PCMTD1: variants seen among roughly 807,000 people sequenced by gnomAD.
The protein encoded by PCMTD1 is protein-L-isoaspartate O-methyltransferase domain-containing protein 1.
A neutral mutation model predicts 37.6 loss-of-function variants in PCMTD1; 12 were observed. The ratio of observed to expected loss-of-function variants is 0.32; its 90% CI spans 0.20 to 0.52. The LOEUF is 0.52. Ranked by LOEUF, PCMTD1 falls within the 20% of genes least tolerant of loss-of-function variation. The probability of loss-of-function intolerance (pLI) is 0.97; values close to 1 mark genes in which losing one functional copy is unlikely to be tolerated. For synonymous variants in PCMTD1, 117 were observed against 135.8 expected (o/e 0.86, Z 0.96); for missense variants, 235 against 421.3 (o/e 0.56, Z 3.87).
chr8:51,863,332 CA>C (rs1563352504), intron 1 of PCMTD1, among the ~76,000 whole-genome samples: 1 of 152,118 alleles, frequency 6.6e-6, no homozygotes, highest in Non-Finnish European at 1.5e-5. Flanking sequence ...CCATTCAATT[CA>C]AAATTATCAT....
intron 5 of PCMTD1, among the ~76,000 whole-genome samples, chr8:51,823,189 C>A (rs2037873408): frequency 1.3e-5 from 2 of 152,182 alleles, no homozygotes; most frequent in African/African-American, 4.8e-5. Context: ...TTGGGCCAGG[C>A]ACAATGGCTC....
chr8:51,837,905 G>A (rs574959533), intron 3 of PCMTD1, among the ~76,000 whole-genome samples: 52 of 151,924 alleles, frequency 3.4e-4, no homozygotes, highest in African/African-American at 4.8e-4. Context: ...TCAGCCTCCC[G>A]AGTAGCTGGG....
At chr8:51,831,249 C>G (rs1157854411) in intron 5 of PCMTD1, among the ~76,000 whole-genome samples, 195 bp downstream of exon 5, 4 of 150,564 alleles carry the variant, frequency 2.7e-5, no homozygotes, top group Non-Finnish European at 5.9e-5. Flanking sequence ...TGTGAGCCGA[C>G]ATGGCACCAC....
At position 51,824,358 on chromosome 8, in the gene PCMTD1, C is replaced by T. The variant is rs755652404; in HGVS notation, c.707-3640G>A. Among the ~76,000 whole-genome samples, 7 of 152,310 alleles carry T rather than the reference C, an allele frequency of 4.6e-5. No individual in the cohort carries two copies. In the South Asian group the frequency reaches 1.4e-3, roughly 32 times the overall value. Reference sequence around the variant, plus strand: ...AGCAACTTTAGCAAAGTCTCAGATACAAAATCAACGTGCAAAAATCACTAG... The same window carrying T: ...AGCAACTTTAGCAAAGTCTCAGATATAAAATCAACGTGCAAAAATCACTAG... On this transcript the variant is annotated intron_variant, in intron 5 of 5. Coordinates refer to ENST00000522514, the MANE Select transcript of PCMTD1 (RefSeq NM_052937.4).
At chr8:51,861,898 G>A (rs2038476097) in intron 1 of PCMTD1, among the ~76,000 whole-genome samples, 1 of 151,722 alleles carries the variant, frequency 6.6e-6, no homozygotes, top group Non-Finnish European at 1.5e-5. Flanking sequence ...TTTTTTTGTA[G>A]AGACAGGGTT....
chr8:51,858,306 G>T (rs1387516303), intron 2 of PCMTD1, among the ~76,000 whole-genome samples: 4 of 22,928 alleles, frequency 1.7e-4, no homozygotes, highest in Non-Finnish European at 3.9e-4. Flanking sequence ...GTACCCATAG[G>T]ACCCACTGTT....
intron 1 of PCMTD1, among the ~76,000 whole-genome samples, chr8:51,876,416 A>G (rs879409581): frequency 6.6e-6 from 1 of 152,158 alleles, no homozygotes; most frequent in South Asian, 2.1e-4. Context: ...AGAAAACTGC[A>G]GAAATACACA....
chr8:51,896,336 T>C (rs2039001437), intron 1 of PCMTD1: 1 of 152,222 alleles, frequency 6.6e-6, no homozygotes, highest in Non-Finnish European at 1.5e-5. Flanking sequence ...TTGTCTGTCA[T>C]TATGCATTTT....
Position 51,818,089 on chromosome 8 carries a change from T to C in PCMTD1, c.*2262A>G, listed in dbSNP as rs2037785437. 2.7e-6 allele frequency: 1 copy of C among 366,168 alleles called. No homozygotes were observed. The highest frequency in any genetic ancestry group is 5.3e-6 in the Non-Finnish European group (1 of 187,496). The allele number at this position is 366,168 out of a possible 1,614,324, so 22.7% of individuals were successfully genotyped here. The stretch of plus-strand genomic sequence containing the variant: ...TCCATATCAAGTAAACATAAATTCA[T>C]TAAAAAATAAACACAAACCCAAAAT... On this transcript the variant is annotated 3_prime_UTR_variant, in exon 6 of 6. Coordinates refer to ENST00000522514, the MANE Select transcript of PCMTD1 (RefSeq NM_052937.4).
intron 2 of PCMTD1, among the ~76,000 whole-genome samples, chr8:51,858,812 A>G (rs1346244429): frequency 6.6e-6 from 1 of 152,168 alleles, no homozygotes; most frequent in African/African-American, 2.4e-5. Flanking sequence ...GTAACTAAAG[A>G]TCCATGACTC....
chr8:51,887,689 G>A (rs1345063994), intron 1 of PCMTD1, among the ~76,000 whole-genome samples: 4 of 149,034 alleles, frequency 2.7e-5, no homozygotes, highest in African/African-American at 4.9e-5. Flanking sequence ...AAAAAAAAAA[G>A]AGTACGCTCA....
chr8:51,878,433 G>C (rs2038745980), intron 1 of PCMTD1, among the ~76,000 whole-genome samples: 1 of 152,046 alleles, frequency 6.6e-6, no homozygotes, highest in Admixed American at 6.6e-5. Context: ...ATTTCAAAAT[G>C]AAGTTATATA....
At chr8:51,872,691 C>T (rs948837171) in intron 1 of PCMTD1, among the ~76,000 whole-genome samples, 7 of 152,174 alleles carry the variant, frequency 4.6e-5, no homozygotes, top group African/African-American at 1.7e-4. Context: ...GAACAATATT[C>T]GAATATAAGA....
intron 3 of PCMTD1, among the ~76,000 whole-genome samples, chr8:51,836,882 T>C (rs546136184): frequency 6.6e-5 from 10 of 152,212 alleles, no homozygotes; most frequent in Non-Finnish European, 1.2e-4. Context: ...CCACCTATGG[T>C]ACTTCTCTGT....
At chr8:51,836,120 T>C (rs1300504050) in intron 3 of PCMTD1, among the ~76,000 whole-genome samples, 1 of 152,108 alleles carries the variant, frequency 6.6e-6, no homozygotes, top group Non-Finnish European at 1.5e-5. Context: ...TGATAAATGC[T>C]CTTAAAGGGA....
At position 51,897,262 on chromosome 8, in the gene PCMTD1, C is replaced by T. The variant is rs772507519; in HGVS notation, c.-96+1668G>A. 1.8e-4 allele frequency among the ~76,000 whole-genome samples: 27 copies of T among 152,194 alleles called. 1 individual carries two copies. Among genetic ancestry groups the T allele is most frequent in the Non-Finnish European group, 1.5e-4 (10 of 68,036 alleles). ...CTTCTGCACACAGAAATACAGTATG[C>T]AATGGGAATTTCCTAGCTTTCTGTC... is the stretch of plus-strand genomic sequence containing the variant. On this transcript the variant is annotated intron_variant, in intron 1 of 5. Transcript: ENST00000522514.
Position 51,862,485 on chromosome 8 carries a change from C to T in PCMTD1, c.-95-1239G>A, listed in dbSNP as rs368306837. 7.6e-4 allele frequency among the ~76,000 whole-genome samples: 116 copies of T among 152,228 alleles called. 1 individual carries two copies. Among genetic ancestry groups the T allele is most frequent in the Middle Eastern group, 3.4e-3 (1 of 294 alleles). ...ATTTCAAAACATAATACTGAATATA[C>T]AATTTAAGCTTTATTCAACTATAGC... On this transcript the variant is annotated intron_variant, in intron 1 of 5. Transcript: ENST00000522514.
intron 2 of PCMTD1, chr8:51,849,404 T>C (rs2038271459): frequency 6.6e-6 from 1 of 152,158 alleles, no homozygotes; most frequent in Non-Finnish European, 1.5e-5. Context: ...TCCAATGTTA[T>C]TTTGTATTCG....
At chr8:51,846,781 A>AT (rs1491449628) in intron 2 of PCMTD1, among the ~76,000 whole-genome samples, 2 of 152,238 alleles carry the variant, frequency 1.3e-5, no homozygotes, top group African/African-American at 4.8e-5. Context: ...ATGTTGAAAC[A>AT]GTACATGTAA....
Sources: allele counts gnomAD v4.1 joint callset (sites outside exome capture counted in the v4.1 genomes callset), GRCh38; gene constraint gnomAD v4.1.1; transcripts MANE v1.5; gene names NCBI Gene and HGNC (gene_info 2026-07-23, HGNC 2026-07-21).